Variants in RAB27B observed in about 807,000 individuals in gnomAD.
RAB27B encodes the protein ras-related protein Rab-27B.
Under a neutral mutation model 24.6 loss-of-function variants are expected in RAB27B, and 15 were observed. The observed-to-expected ratio is 0.61, with a 90% CI of 0.41 to 0.94. The LOEUF (loss-of-function observed/expected upper bound fraction) is 0.94, where lower values mean the gene tolerates loss of function less well. Ranked by LOEUF, RAB27B falls within the 40% of genes least tolerant of loss-of-function variation. The pLI, the probability that RAB27B is intolerant of heterozygous loss-of-function variation, is 0.00. For missense variants in RAB27B, 261 were observed against 266.8 expected, an observed-to-expected ratio of 0.98 and a Z score of 0.15; for synonymous variants, 105 against 92.5, an observed-to-expected ratio of 1.14 and a Z score of -0.78.
intron 1 of RAB27B, among the ~76,000 whole-genome samples, chr18:54,845,186 C>T (rs1215066802): frequency 6.6e-6 from 1 of 151,988 alleles, no homozygotes; most frequent in African/African-American, 2.4e-5. Flanking sequence ...GTGGGAGGAT[C>T]ATCTGAGGTC....
intron 1 of RAB27B, among the ~76,000 whole-genome samples, chr18:54,873,232 C>G (rs1170030255): frequency 1.3e-5 from 2 of 152,204 alleles, no homozygotes; most frequent in African/African-American, 4.8e-5. Flanking sequence ...ACCTTTACGA[C>G]TCTTCATTAA....
chr18:54,835,952 G>T (rs1432375913), intron 1 of RAB27B, among the ~76,000 whole-genome samples: 1 of 151,936 alleles, frequency 6.6e-6, no homozygotes, highest in Non-Finnish European at 1.5e-5. Flanking sequence ...CGCTTAATTT[G>T]GGTGCCCTCA....
chr18:54,773,316 GCAAC>G (rs1908611531), intron 2 of RAB27B, among the ~76,000 whole-genome samples: 1 of 152,222 alleles, frequency 6.6e-6, no homozygotes, highest in African/African-American at 2.4e-5. Context: ...TGGAAGCTCA[GCAAC>G]CATGGCGTGC....
intron 1 of RAB27B, among the ~76,000 whole-genome samples, chr18:54,876,941 A>G (rs114085157): frequency 1.5e-3 from 234 of 152,064 alleles, no homozygotes; most frequent in African/African-American, 5.2e-3. Flanking sequence ...TTTTACTTTA[A>G]GTTCTACTAT....
At position 54,841,166 on chromosome 18, in the gene RAB27B, G is replaced by GC. The variant is rs1335923104; in HGVS notation, c.-20+12466_-20+12467insC. The stretch of plus-strand genomic sequence containing the variant: ...TGTCTTTGGGTGGCGGGGCGGTGGG[G>GC]GGTTTGGTGAGAGGGGCGGGAAAAA... On this transcript the variant is annotated intron_variant, in intron 1 of 5. Transcript: ENST00000262094. 4.4e-5 allele frequency among the ~76,000 whole-genome samples: 5 copies of GC among 114,098 alleles called. No individual in the cohort carries two copies. The Admixed American group carries it at 4.6e-4, about 10-fold the overall frequency. The allele number at this position is 114,098 out of a possible 152,430, so 74.9% of individuals were successfully genotyped here. A position where few individuals can be genotyped will look rare whatever the true frequency, so the allele number is the denominator to read the frequency against.
At chr18:54,843,382 G>A (rs1392938143) in intron 1 of RAB27B, among the ~76,000 whole-genome samples, 1 of 151,734 alleles carries the variant, frequency 6.6e-6, no homozygotes. Context: ...AGCAGTGCCA[G>A]CCTATTCTAT....
At chr18:54,885,082 T>C (rs571240366) in intron 4 of RAB27B, among the ~76,000 whole-genome samples, 1 of 152,334 alleles carries the variant, frequency 6.6e-6, no homozygotes, top group East Asian at 1.9e-4. Flanking sequence ...TAAAGTCATA[T>C]TGACATACAT....
chr18:54,869,564 A>G (rs1912382787), intron 1 of RAB27B, among the ~76,000 whole-genome samples: 2 of 152,230 alleles, frequency 1.3e-5, no homozygotes, highest in Non-Finnish European at 2.9e-5. Context: ...GAAGTGCAAG[A>G]ACTCATGGAC....
chr18:54,867,447 T>C (rs10701479), intron 1 of RAB27B, among the ~76,000 whole-genome samples: 4,518 of 49,962 alleles, frequency 0.09, 245 homozygotes, highest in African/African-American at 0.26. Flanking sequence ...CTTTTCTTTT[T>C]TTTTTTTTTT....
intron 1 of RAB27B, among the ~76,000 whole-genome samples, chr18:54,829,673 A>G (rs1268827597): frequency 6.6e-6 from 1 of 152,196 alleles, no homozygotes; most frequent in Non-Finnish European, 1.5e-5. Flanking sequence ...ACAGGGTTTT[A>G]TGGTTATAAA....
intron 2 of RAB27B, among the ~76,000 whole-genome samples, chr18:54,725,566 G>A (rs533235252): frequency 6.6e-6 from 1 of 151,716 alleles, no homozygotes; most frequent in African/African-American, 2.4e-5. Context: ...AAAGGAAAGA[G>A]GTTTAATTGC....
upstream of RAB27B, among the ~76,000 whole-genome samples, chr18:54,827,109 C>T (rs556731873): frequency 5.9e-5 from 9 of 152,300 alleles, no homozygotes; most frequent in Admixed American, 5.2e-4. Context: ...CTGTTAAATG[C>T]AAAGTAGATT....
intron 1 of RAB27B, among the ~76,000 whole-genome samples, chr18:54,832,567 A>C (rs918437913): frequency 1.1e-4 from 16 of 152,218 alleles, no homozygotes; most frequent in African/African-American, 3.6e-4. Flanking sequence ...ATTTAGAGTG[A>C]TATCCTTGAG....
At chr18:54,723,139 C>T (rs1260151734) in intron 2 of RAB27B, among the ~76,000 whole-genome samples, 2 of 152,158 alleles carry the variant, frequency 1.3e-5, no homozygotes, top group African/African-American at 4.8e-5. Flanking sequence ...TAAAATGTGT[C>T]CTTGTTCAGA....
chr18:54,822,896 C>G (rs1910355238), intron 2 of RAB27B, among the ~76,000 whole-genome samples: 1 of 152,078 alleles, frequency 6.6e-6, no homozygotes, highest in African/African-American at 2.4e-5. Context: ...TTGGGCCTTT[C>G]CCACAGCATG....
chr18:54,721,656 A>T (rs1909362778), intron 2 of RAB27B, among the ~76,000 whole-genome samples: 1 of 152,198 alleles, frequency 6.6e-6, no homozygotes, highest in Admixed American at 6.5e-5. Context: ...GGCAAAAAGC[A>T]AGCAATTAAA....
chr18:54,853,379 A>T (rs1215460471), intron 1 of RAB27B, among the ~76,000 whole-genome samples: 1 of 152,150 alleles, frequency 6.6e-6, no homozygotes, highest in Non-Finnish European at 1.5e-5. Flanking sequence ...AAGTCATTGA[A>T]TTTCAGAGAG....
chr18:54,808,607 A>C (rs1189543152), intron 2 of RAB27B, among the ~76,000 whole-genome samples: 1 of 152,234 alleles, frequency 6.6e-6, no homozygotes, highest in Non-Finnish European at 1.5e-5. Flanking sequence ...GAGTATGCTA[A>C]AAAGGTTAGT....
At chr18:54,874,644 T>A (rs1408770472) in intron 1 of RAB27B, among the ~76,000 whole-genome samples, 1 of 152,188 alleles carries the variant, frequency 6.6e-6, no homozygotes, top group African/African-American at 2.4e-5. Context: ...TTTTCACTTT[T>A]TCTGGGAGCC....
Sources: allele counts gnomAD v4.1 joint callset (sites outside exome capture counted in the v4.1 genomes callset), GRCh38; gene constraint gnomAD v4.1.1; transcripts MANE v1.5; gene names NCBI Gene and HGNC (gene_info 2026-07-23, HGNC 2026-07-21).